TDRD3: variants seen among roughly 807,000 people sequenced by gnomAD.
TDRD3 encodes tudor domain-containing protein 3.
In TDRD3, 45 loss-of-function variants were observed where a neutral mutation model predicts 86.7. The ratio of observed to expected loss-of-function variants is 0.52; its 90% CI spans 0.41 to 0.67. The LOEUF is 0.67. Ranked by LOEUF, TDRD3 falls within the 30% of genes least tolerant of loss-of-function variation. TDRD3 has a pLI of 0.00. For synonymous variants in TDRD3, 298 were observed against 301.7 expected (o/e 0.99, Z 0.13); for missense variants, 814 against 889.0 (o/e 0.92, Z 1.07).
At chr13:60,559,771 G>A (rs935144264) in intron 12 of TDRD3, among the ~76,000 whole-genome samples, 2 of 152,162 alleles carry the variant, frequency 1.3e-5, no homozygotes, top group African/African-American at 2.4e-5. Context: ...CAAAGGTTAC[G>A]AAGTTTCAGT....
At chr13:60,525,801 G>C (rs928478596) in intron 10 of TDRD3, among the ~76,000 whole-genome samples, 16 of 152,234 alleles carry the variant, frequency 1.1e-4, no homozygotes, top group African/African-American at 3.4e-4. Flanking sequence ...GTACATAAAT[G>C]AAAGTGTTAA....
intron 1 of TDRD3, among the ~76,000 whole-genome samples, chr13:60,408,169 C>G (rs1462720034): frequency 6.6e-6 from 1 of 152,102 alleles, no homozygotes; most frequent in Non-Finnish European, 1.5e-5. Flanking sequence ...TTTTCTCTTG[C>G]CAATGCCATG....
chr13:60,494,360 A>T lies in TDRD3; in HGVS notation c.718-75A>T, dbSNP rs373693675. The stretch of plus-strand genomic sequence containing the variant: ...AAACTTAATTACTTCAGTTGTTTTT[A>T]GTCATAGCTTAGTTTTTAGAACTAT... On this transcript the variant is annotated intron_variant, in intron 7 of 13. Transcript: ENST00000377881. The T allele has an allele frequency of 4.3e-5, 59 of 1,374,224 alleles. No individual in the cohort carries two copies. The African/African-American group carries it at 6.6e-4, about 15-fold the overall frequency. 85.1% of individuals were successfully genotyped at this position (1,374,224 alleles called of 1,614,324 possible). A position where few individuals can be genotyped will look rare whatever the true frequency, so the allele number is the denominator to read the frequency against.
chr13:60,510,506 C>T (rs1342285352), intron 9 of TDRD3, 124 bp from the exon 10 acceptor site: 1 of 1,037,402 alleles, frequency 9.6e-7, no homozygotes, highest in African/African-American at 1.7e-5. Flanking sequence ...AAGATGTAGA[C>T]TATACAAAAA....
chr13:60,471,085 T>C (rs1956068268), intron 5 of TDRD3, among the ~76,000 whole-genome samples: 1 of 152,200 alleles, frequency 6.6e-6, no homozygotes, highest in Non-Finnish European at 1.5e-5. Context: ...ACATAATATG[T>C]TTTGCAAATA....
chr13:60,559,928 C>G (rs536782984), intron 12 of TDRD3, among the ~76,000 whole-genome samples: 1 of 151,804 alleles, frequency 6.6e-6, no homozygotes, highest in East Asian at 1.9e-4. Flanking sequence ...AAAATGGAAA[C>G]TGAGGTGATG....
intron 1 of TDRD3, among the ~76,000 whole-genome samples, chr13:60,427,411 G>A (rs949395516): frequency 2.0e-5 from 3 of 150,852 alleles, no homozygotes; most frequent in African/African-American, 4.9e-5. Context: ...CTTTTTTTTT[G>A]TGGGGAGGCT....
chr13:60,569,695 C>A (rs151210686), intron 13 of TDRD3, among the ~76,000 whole-genome samples: 1 of 152,184 alleles, frequency 6.6e-6, no homozygotes, highest in East Asian at 1.9e-4. Flanking sequence ...CCGTAGTAAA[C>A]AAAATAGCAT....
chr13:60,503,480 A>G (rs1376630117), intron 8 of TDRD3, among the ~76,000 whole-genome samples: 1 of 152,214 alleles, frequency 6.6e-6, no homozygotes, highest in African/African-American at 2.4e-5. Flanking sequence ...ATTCCATACA[A>G]TATTGGAACA....
At chr13:60,399,081 G>A (rs1325222163) in intron 1 of TDRD3, among the ~76,000 whole-genome samples, 1 of 151,988 alleles carries the variant, frequency 6.6e-6, no homozygotes, top group Non-Finnish European at 1.5e-5. Context: ...GTTTTCTCTG[G>A]CCTCTTATGC....
chr13:60,481,655 T>C (rs1956320900), intron 5 of TDRD3, among the ~76,000 whole-genome samples: 2 of 152,190 alleles, frequency 1.3e-5, no homozygotes, highest in African/African-American at 4.8e-5. Flanking sequence ...TTTTAAATAC[T>C]TACACATAGT....
rs550163286 is a variant in TDRD3, at chr13:60,540,063, T to C, written c.2118+4830T>C. ...AATACAAGCACCTATGTGACCCTAG[T>C]CCAGAAGATTTTTCATTTTTACTGA... On this transcript the variant is annotated intron_variant, in intron 12 of 13. Coordinates refer to ENST00000377881, the MANE Select transcript of TDRD3 (RefSeq NM_001146070.2). 4.4e-4 allele frequency among the ~76,000 whole-genome samples: 67 copies of C among 152,256 alleles called. 1 individual carries two copies. In the South Asian group the frequency reaches 0.011, roughly 24 times the overall value.
chr13:60,494,653 C>T (rs1956675776), intron 8 of TDRD3, 78 bp downstream of exon 8: 2 of 1,421,690 alleles, frequency 1.4e-6, no homozygotes, highest in Admixed American at 3.8e-5. Flanking sequence ...ACCACCACCA[C>T]TGGCTTTGTG....
chr13:60,567,200 T>C (rs1958480188), intron 12 of TDRD3, among the ~76,000 whole-genome samples: 1 of 152,238 alleles, frequency 6.6e-6, no homozygotes, highest in East Asian at 1.9e-4. Context: ...TTTACCACAT[T>C]GTGTCAAGCC....
intron 1 of TDRD3, among the ~76,000 whole-genome samples, chr13:60,426,365 A>G (rs1282240096): frequency 6.6e-6 from 1 of 152,192 alleles, no homozygotes; most frequent in East Asian, 1.9e-4. Context: ...GTACAACATG[A>G]GGACTAAAGT....
At chr13:60,514,928 C>A (rs1040395912) in intron 10 of TDRD3, among the ~76,000 whole-genome samples, 4 of 152,118 alleles carry the variant, frequency 2.6e-5, no homozygotes, top group Non-Finnish European at 4.4e-5. Flanking sequence ...ATTATTCATT[C>A]AATAAATGCA....
intron 4 of TDRD3, chr13:60,460,772 A>G (rs1176395436): frequency 1.4e-5 from 4 of 296,274 alleles, no homozygotes; most frequent in East Asian, 8.1e-5. Context: ...TGGGAGGCCA[A>G]GGGGGACGGA....
At chr13:60,539,329 C>T (rs1322814675) in intron 12 of TDRD3, among the ~76,000 whole-genome samples, 2 of 151,996 alleles carry the variant, frequency 1.3e-5, no homozygotes, top group Admixed American at 1.3e-4. Context: ...TTATATGAAA[C>T]AAACTGAAAT....
chr13:60,507,897 C>T (rs558093246), intron 8 of TDRD3, among the ~76,000 whole-genome samples: 91 of 152,298 alleles, frequency 6.0e-4, no homozygotes, highest in African/African-American at 1.9e-3. Context: ...TCAAAATCTC[C>T]TTAAGCTGAT....
Sources: gnomAD v4.1 joint callset for allele counts (sites outside exome capture counted in the v4.1 genomes callset) on GRCh38, gnomAD v4.1.1 for gene constraint, MANE v1.5 for transcripts, NCBI Gene and HGNC (gene_info 2026-07-23, HGNC 2026-07-21) for gene names.